ADGRB3: variants seen among roughly 807,000 people sequenced by gnomAD.
ADGRB3 encodes adhesion G protein-coupled receptor B3.
A neutral mutation model predicts 193.4 loss-of-function variants in ADGRB3; 37 were observed. The ratio of observed to expected loss-of-function variants is 0.19; its 90% CI spans 0.15 to 0.25. The LOEUF (loss-of-function observed/expected upper bound fraction) is 0.25, where lower values mean the gene tolerates loss of function less well. Ranked by LOEUF, ADGRB3 falls within the 10% of genes least tolerant of loss-of-function variation. The pLI, the probability that ADGRB3 is intolerant of heterozygous loss-of-function variation, is 1.00. For synonymous variants in ADGRB3, 690 were observed against 644.2 expected (o/e 1.07, Z -1.08); for missense variants, 1,637 against 1,852.9 (o/e 0.88, Z 2.14).
chr6:69,204,495 G>A (rs1269005651), intron 17 of ADGRB3, among the ~76,000 whole-genome samples: 1 of 152,118 alleles, frequency 6.6e-6, no homozygotes, highest in African/African-American at 2.4e-5. Flanking sequence ...CACTCATTTG[G>A]CTGAGTGGTT....
intron 6 of ADGRB3, among the ~76,000 whole-genome samples, chr6:68,949,317 T>C (rs1767854774): frequency 6.6e-6 from 1 of 152,152 alleles, no homozygotes; most frequent in South Asian, 2.1e-4. Context: ...TGAGAAATGC[T>C]TTCCTGGGAG....
intron 3 of ADGRB3, among the ~76,000 whole-genome samples, chr6:68,676,777 T>C (rs971018474): frequency 3.3e-5 from 5 of 152,174 alleles, no homozygotes; most frequent in African/African-American, 9.7e-5. Flanking sequence ...ATACAGTTCT[T>C]ATGTGCATAT....
chr6:68,849,294 C>T (rs532438518), intron 3 of ADGRB3, among the ~76,000 whole-genome samples: 2 of 151,586 alleles, frequency 1.3e-5, no homozygotes, highest in South Asian at 4.2e-4. Flanking sequence ...AAGGAATGAC[C>T]ACAATGTAGA....
At chr6:69,350,661 G>A (rs1430535313) in intron 26 of ADGRB3, among the ~76,000 whole-genome samples, 1 of 151,884 alleles carries the variant, frequency 6.6e-6, no homozygotes, top group African/African-American at 2.4e-5. Context: ...TTTTCCAAAT[G>A]GTAAGTCAAA....
intron 3 of ADGRB3, among the ~76,000 whole-genome samples, chr6:68,865,891 TG>T (rs942241060): frequency 2.6e-5 from 4 of 152,142 alleles, no homozygotes; most frequent in African/African-American, 9.7e-5. Flanking sequence ...CTTTCCACCA[TG>T]GCCAGGAGAA....
At chr6:69,126,632 G>C (rs1015229320) in intron 17 of ADGRB3, among the ~76,000 whole-genome samples, 13 of 152,168 alleles carry the variant, frequency 8.5e-5, no homozygotes, top group African/African-American at 3.1e-4. Flanking sequence ...TGCCAACATT[G>C]GAGGAGGGTG....
At chr6:68,975,723 T>C (rs1768724850) in intron 10 of ADGRB3, among the ~76,000 whole-genome samples, 1 of 152,206 alleles carries the variant, frequency 6.6e-6, no homozygotes, top group Admixed American at 6.5e-5. Context: ...TTGCAGTAGT[T>C]GGACAGTGAT....
At chr6:68,665,357 G>T (rs1251326792) in intron 3 of ADGRB3, among the ~76,000 whole-genome samples, 1 of 151,514 alleles carries the variant, frequency 6.6e-6, no homozygotes, top group African/African-American at 2.4e-5. Context: ...TGCCAATTGG[G>T]TTTCAAGAGT....
At chr6:68,980,005 C>A (rs780198652) in intron 10 of ADGRB3, among the ~76,000 whole-genome samples, 37 of 151,546 alleles carry the variant, frequency 2.4e-4, no homozygotes, top group Admixed American at 1.4e-3. Context: ...CCAATGCTTT[C>A]TCCTAAATTT....
intron 3 of ADGRB3, among the ~76,000 whole-genome samples, chr6:68,768,729 C>T: frequency 6.6e-6 from 1 of 151,800 alleles, no homozygotes; most frequent in East Asian, 1.9e-4. Flanking sequence ...GACAGCAAAA[C>T]AAACTATCAT....
At chr6:69,096,851 T>C (rs886655949) in intron 17 of ADGRB3, among the ~76,000 whole-genome samples, 29 of 152,186 alleles carry the variant, frequency 1.9e-4, no homozygotes, top group African/African-American at 6.0e-4. Flanking sequence ...TCTCATGTGT[T>C]TCAACCACAC....
Position 69,178,511 on chromosome 6 carries a change from T to C in ADGRB3, c.2481-54779T>C, listed in dbSNP as rs139675416. On this transcript the variant is annotated intron_variant, in intron 17 of 31. Transcript: ENST00000370598. ...CTCAACCTATCATGAACTTGTTAGC[T>C]GTTTGCTTTGTGGTTTCTATTGCTT... is the stretch of plus-strand genomic sequence containing the variant. 3.2e-3 allele frequency among the ~76,000 whole-genome samples: 490 copies of C among 152,338 alleles called. 3 individuals carry two copies. Among genetic ancestry groups the C allele is most frequent in the African/African-American group, 0.011 (469 of 41,576 alleles).
At chr6:68,877,388 TTTTA>T (rs1733648152) in intron 3 of ADGRB3, among the ~76,000 whole-genome samples, 1 of 152,100 alleles carries the variant, frequency 6.6e-6, no homozygotes. Context: ...AGGATTTTTT[TTTTA>T]TTTAGACTCA....
intron 3 of ADGRB3, among the ~76,000 whole-genome samples, chr6:68,924,707 G>C (rs538954183): frequency 5.9e-5 from 9 of 152,012 alleles, no homozygotes; most frequent in Middle Eastern, 3.4e-3. Context: ...AATCATTTCT[G>C]TCGAAGTATT....
In ADGRB3 at chr6:68,890,560, C is replaced by T. The variant is rs986627677; in HGVS notation, c.758-39999C>T. Among the ~76,000 whole-genome samples the T allele has an allele frequency of 7.2e-5, 11 of 152,244 alleles. No individual in the cohort carries two copies. In the East Asian group the frequency reaches 1.9e-3, roughly 27 times the overall value. ...AATTTGTGGTTATTTGTTTATTTTA[C>T]TTAATTAAACACATATGCCAATTGT... On this transcript the variant is annotated intron_variant, in intron 3 of 31. Coordinates refer to ENST00000370598, the MANE Select transcript of ADGRB3 (RefSeq NM_001704.3).
intron 3 of ADGRB3, among the ~76,000 whole-genome samples, chr6:68,903,384 A>T (rs1766452131): frequency 6.6e-6 from 1 of 152,226 alleles, no homozygotes; most frequent in Non-Finnish European, 1.5e-5. Flanking sequence ...ATAGAAAAAG[A>T]TTACAAATTT....
chr6:69,304,954 A>G (rs73471325), intron 20 of ADGRB3, among the ~76,000 whole-genome samples: 8,126 of 151,616 alleles, frequency 0.054, 842 homozygotes, highest in African/African-American at 0.18. Flanking sequence ...TTAGAGTCAT[A>G]TAAGAATATG....
intron 3 of ADGRB3, among the ~76,000 whole-genome samples, chr6:68,915,423 G>GA (rs1434643131): frequency 6.6e-6 from 1 of 152,054 alleles, no homozygotes; most frequent in Non-Finnish European, 1.5e-5. Flanking sequence ...TGTAATGACA[G>GA]AAAAAATGAG....
At chr6:68,717,629 G>A (rs1765509711) in intron 3 of ADGRB3, among the ~76,000 whole-genome samples, 2 of 151,436 alleles carry the variant, frequency 1.3e-5, no homozygotes, top group Admixed American at 6.6e-5. Flanking sequence ...AGAATTTCAT[G>A]TACTTCTATT....
Sources: gnomAD v4.1 joint callset for allele counts (sites outside exome capture counted in the v4.1 genomes callset) on GRCh38, gnomAD v4.1.1 for gene constraint, MANE v1.5 for transcripts, NCBI Gene and HGNC (gene_info 2026-07-23, HGNC 2026-07-21) for gene names.